The following SUMF1 variants were observed in gnomAD, a reference collection of about 807,000 sequenced individuals.
SUMF1 encodes the protein sulfatase modifying factor 1.
Under a neutral mutation model 47.6 loss-of-function variants are expected in SUMF1, and 48 were observed. The ratio of observed to expected loss-of-function variants is 1.01; its 90% CI spans 0.80 to 1.28. The LOEUF (loss-of-function observed/expected upper bound fraction) is 1.28. Among genes scored for constraint, SUMF1 ranks in the 50% most tolerant of loss-of-function variants. SUMF1 has a pLI of 0.00. For synonymous variants in SUMF1, 230 were observed against 192.1 expected (o/e 1.20, Z -1.63); for missense variants, 571 against 485.4 (o/e 1.18, Z -1.66).
intron 6 of SUMF1, among the ~76,000 whole-genome samples, chr3:4,412,763 G>A (rs1559283029): frequency 6.6e-6 from 1 of 152,140 alleles, no homozygotes; most frequent in Non-Finnish European, 1.5e-5. Flanking sequence ...CATGGTGCAC[G>A]CCTGTAATCC....
chr3:4,246,868 G>A (rs934673901), intron 8 of SUMF1, among the ~76,000 whole-genome samples: 4 of 152,084 alleles, frequency 2.6e-5, no homozygotes, highest in East Asian at 3.8e-4. Flanking sequence ...GAAATTCAGC[G>A]CTAATTCTAT....
intron 8 of SUMF1, among the ~76,000 whole-genome samples, chr3:4,248,139 T>TA (rs1475325439): frequency 2.6e-5 from 4 of 152,192 alleles, no homozygotes; most frequent in African/African-American, 9.6e-5. Context: ...TTGTCCTGGG[T>TA]AAGTCTCATT....
At chr3:4,377,232 A>C (rs927253419) in intron 7 of SUMF1, among the ~76,000 whole-genome samples, 2 of 152,222 alleles carry the variant, frequency 1.3e-5, no homozygotes, top group African/African-American at 4.8e-5. Flanking sequence ...TATACAGTAA[A>C]ATTCATCCTT....
At chr3:4,118,212 C>G (rs908243113) in intron 8 of SUMF1, among the ~76,000 whole-genome samples, 24 of 151,790 alleles carry the variant, frequency 1.6e-4, no homozygotes, top group African/African-American at 5.6e-4. Flanking sequence ...CTTTGCCTCT[C>G]TTTATTTACA....
intron 9 of SUMF1, among the ~76,000 whole-genome samples, chr3:4,067,851 C>T (rs1695414060): frequency 6.6e-6 from 1 of 152,120 alleles, no homozygotes; most frequent in Non-Finnish European, 1.5e-5. Context: ...AGGTCATCCC[C>T]CCAGAGCACA....
At chr3:4,296,130 C>A (rs964871396) in intron 8 of SUMF1, among the ~76,000 whole-genome samples, 178 of 150,614 alleles carry the variant, frequency 1.2e-3, no homozygotes, top group African/African-American at 3.9e-3. Flanking sequence ...AAAAAAAAAA[C>A]AATACTGGGT....
At chr3:4,303,544 C>T (rs1698040314) in intron 8 of SUMF1, 2 of 1,356,592 alleles carry the variant, frequency 1.5e-6, no homozygotes, top group Middle Eastern at 2.6e-4. Flanking sequence ...CGGGGCCAGG[C>T]GGCGCGGGAG....
At chr3:4,423,305 C>CACACACAT (rs1553577193) in intron 3 of SUMF1, among the ~76,000 whole-genome samples, 20 of 151,960 alleles carry the variant, frequency 1.3e-4, no homozygotes, top group African/African-American at 4.6e-4. Context: ...CACACACACA[C>CACACACAT]ACACACACAC....
chr3:4,369,841 G>C (rs147584951), intron 8 of SUMF1, among the ~76,000 whole-genome samples: 1 of 152,260 alleles, frequency 6.6e-6, no homozygotes, highest in African/African-American at 2.4e-5. Flanking sequence ...CTAGTTTATA[G>C]GATTTAGAGG....
At chr3:4,086,742 A>G (rs914553201) in intron 8 of SUMF1, among the ~76,000 whole-genome samples, 4 of 152,028 alleles carry the variant, frequency 2.6e-5, no homozygotes, top group African/African-American at 9.7e-5. Flanking sequence ...GATCCAGTGG[A>G]AGATAATTGA....
chr3:4,130,546 T>C (rs1693763620), intron 8 of SUMF1, among the ~76,000 whole-genome samples: 1 of 152,152 alleles, frequency 6.6e-6, no homozygotes, highest in Admixed American at 6.5e-5. Flanking sequence ...GCAAACACAC[T>C]GAACTTATTG....
chr3:4,279,356 T>C (rs1174812055), intron 8 of SUMF1, among the ~76,000 whole-genome samples: 1 of 152,172 alleles, frequency 6.6e-6, no homozygotes, highest in Non-Finnish European at 1.5e-5. Context: ...AGAAGTCATA[T>C]ATGGGTTTTT....
intron 8 of SUMF1, among the ~76,000 whole-genome samples, chr3:4,344,939 C>T (rs115949214): frequency 0.011 from 1,667 of 151,806 alleles, 23 homozygotes; most frequent in African/African-American, 0.037. Flanking sequence ...TATAAGAATT[C>T]GAAGACCACC....
At chr3:4,348,992 T>C (rs951912713) in intron 8 of SUMF1, among the ~76,000 whole-genome samples, 2 of 152,088 alleles carry the variant, frequency 1.3e-5, no homozygotes, top group South Asian at 2.1e-4. Context: ...AAAGCCAAAA[T>C]TGACAAATGG....
chr3:4,079,338 G>A (rs1403098234), intron 8 of SUMF1, among the ~76,000 whole-genome samples: 1 of 152,044 alleles, frequency 6.6e-6, no homozygotes, highest in Non-Finnish European at 1.5e-5. Flanking sequence ...TACCTCACAT[G>A]CCCATTTTGA....
intron 8 of SUMF1, among the ~76,000 whole-genome samples, chr3:4,199,745 G>C (rs1695502946): frequency 6.6e-6 from 1 of 151,950 alleles, no homozygotes; most frequent in African/African-American, 2.4e-5. Context: ...ATTGTTTCAT[G>C]TGCTTATTTG....
intron 7 of SUMF1, among the ~76,000 whole-genome samples, chr3:4,397,417 G>A (rs747024414): frequency 6.6e-6 from 1 of 152,204 alleles, no homozygotes; most frequent in Non-Finnish European, 1.5e-5. Context: ...ATTACTTGAA[G>A]TGAGAAAAGT....
intron 8 of SUMF1, among the ~76,000 whole-genome samples, chr3:4,275,930 C>T (rs561967555): frequency 2.6e-5 from 4 of 152,218 alleles, no homozygotes; most frequent in African/African-American, 7.2e-5. Flanking sequence ...CTAAGAAAAC[C>T]TGGATCATTA....
intron 8 of SUMF1, among the ~76,000 whole-genome samples, chr3:4,102,444 G>C (rs1311493281): frequency 1.3e-5 from 2 of 152,080 alleles, no homozygotes; most frequent in Non-Finnish European, 2.9e-5. Flanking sequence ...TAGCAGTAAT[G>C]ATAGAGTCCA....
Sources: allele counts gnomAD v4.1 joint callset (sites outside exome capture counted in the v4.1 genomes callset), GRCh38; gene constraint gnomAD v4.1.1; transcripts MANE v1.5; gene names NCBI Gene and HGNC (gene_info 2026-07-23, HGNC 2026-07-21).